Variants in JAK3 observed in about 807,000 individuals in gnomAD.
JAK3 encodes Janus kinase 3, also known as tyrosine-protein kinase JAK3.
In JAK3, 88 loss-of-function variants were observed where a neutral mutation model predicts 120.8. That is an observed-to-expected ratio of 0.73 (90% confidence interval 0.61 to 0.87). The LOEUF (loss-of-function observed/expected upper bound fraction) is 0.87, where lower values mean the gene tolerates loss of function less well. Ranked by LOEUF, JAK3 falls within the 40% of genes least tolerant of loss-of-function variation. The probability of loss-of-function intolerance (pLI) is 0.00; values close to 1 mark genes in which losing one functional copy is unlikely to be tolerated. For synonymous variants in JAK3, 592 were observed against 628.6 expected, an observed-to-expected ratio of 0.94 and a Z score of 0.87; for missense variants, 1,254 against 1,501.4, an observed-to-expected ratio of 0.84 and a Z score of 2.72.
At chr19:17,845,455 G>A (rs528130303) in intron 1 of JAK3, among the ~76,000 whole-genome samples, 15 of 152,120 alleles carry the variant, frequency 9.9e-5, no homozygotes, top group Admixed American at 2.0e-4. Flanking sequence ...GCGCCTGGCC[G>A]AGACCAGGAG....
chr19:17,843,851 C>T lies in JAK3; in HGVS notation c.234G>A (p.Leu78=), dbSNP rs2094245793. ...HSLFALATED[L]SCWFPPSHIF... ...TGTGGCTCGGGGGGAACCAGCAGGA[C>T]AGGTCCTCCGTGGCCAGAGCAAAGA... is the stretch of plus-strand genomic sequence containing the variant. Residue 78 remains leucine (L), a synonymous_variant, in exon 3 of 24, where the codon CTG becomes CTA. Coordinates refer to ENST00000458235, the MANE Select transcript of JAK3 (RefSeq NM_000215.4). This position sits in a 1 kb window ranked among gnomAD's most constrained non-coding sequence, Gnocchi z 5.4. 1.9e-6 allele frequency: 3 copies of T among 1,613,388 alleles called. No homozygotes were observed. Among genetic ancestry groups the T allele is most frequent in the South Asian group, 2.2e-5 (2 of 91,078 alleles).
rs2094256322 is a variant in JAK3 at position 17,847,978 on chromosome 19, C to A, written c.-46G>T. 9.6e-7 allele frequency: 1 copy of A among 1,039,816 alleles called. No homozygotes were observed. The highest frequency in any genetic ancestry group is 1.2e-6 in the Non-Finnish European group (1 of 861,776). The allele number at this position is 1,039,816 out of a possible 1,614,324, so 64.4% of individuals were successfully genotyped here. On this transcript the variant is annotated 5_prime_UTR_variant, in exon 1 of 24. Coordinates refer to ENST00000458235, the MANE Select transcript of JAK3 (RefSeq NM_000215.4). ...GCAGGGACCCTGGACTTTCGAAGGG[C>A]GGGCAGAGCCGGGAGGCAGCGAGAG...
Position 17,842,727 on chromosome 19 carries a change from A to G in JAK3, c.567-117T>C. On this transcript the variant is annotated intron_variant, in intron 5 of 23. Coordinates refer to ENST00000458235, the MANE Select transcript of JAK3 (RefSeq NM_000215.4). This position sits in a 1 kb window ranked among gnomAD's most constrained non-coding sequence, Gnocchi z 6.4. ...GGGGTGCGGCCCTAGTTGGGGCACC[A>G]GGCACACACAGACTCTCATTCAGGG... The G allele has an allele frequency of 9.3e-7, 1 of 1,075,082 alleles. No individual in the cohort carries two copies. The allele number at this position is 1,075,082 out of a possible 1,614,324, so 66.6% of individuals were successfully genotyped here.
In JAK3 at chr19:17,841,091, G is replaced by C. The variant is rs1437436001; in HGVS notation, c.1142+298C>G. 6.6e-6 allele frequency among the ~76,000 whole-genome samples: 1 copy of C among 152,112 alleles called. No individual in the cohort carries two copies. The highest frequency in any genetic ancestry group is 1.9e-4 in the East Asian group (1 of 5,192). On this transcript the variant is annotated intron_variant, in intron 8 of 23. Transcript: ENST00000458235. This position sits in a 1 kb window ranked among gnomAD's most constrained non-coding sequence, Gnocchi z 4.1. ...CTTGGCCCCTCAAAGCGCTGCGATT[G>C]CAGGTGTGCCCCACTATGCCTGGCC...
Position 17,835,138 on chromosome 19 carries a change from C to T in JAK3, c.1992G>A (p.Pro664=), listed in dbSNP as rs200499852. ...LLAREGADGS[P]PFIKLSDPGV... ...CAGGGTCACTCAGCTTGATGAAGGGCGGGCTCCCATCAGCCCCCTCCCGAG... is the reference window on the plus strand; with the variant it reads ...CAGGGTCACTCAGCTTGATGAAGGGTGGGCTCCCATCAGCCCCCTCCCGAG... Residue 664 remains proline (P), a synonymous_variant, in exon 15 of 24, where the codon CCG becomes CCA. Transcript: ENST00000458235. 5.4e-5 allele frequency: 87 copies of T among 1,614,070 alleles called. No homozygotes were observed. Among genetic ancestry groups the T allele is most frequent in the Non-Finnish European group, 6.8e-5 (80 of 1,180,040 alleles).
At chr19:17,830,466 G>GGA (rs2094211794) in intron 22 of JAK3, 37 bp downstream of exon 22, 1 of 1,530,646 alleles carries the variant, frequency 6.5e-7, no homozygotes, top group East Asian at 2.3e-5. Context: ...GGGCGTGGAG[G>GGA]GAGAAGAAGG....
chr19:17,845,030 A>T (rs2094249032), intron 1 of JAK3, among the ~76,000 whole-genome samples: 1 of 152,154 alleles, frequency 6.6e-6, no homozygotes, highest in African/African-American at 2.4e-5. Context: ...AATTGACCTG[A>T]ATGAAGAAGA....
At position 17,834,955 on chromosome 19, in the gene JAK3, G is replaced by A. The variant is rs201784993; in HGVS notation, c.2096C>T (p.Ala699Val). 15 of 1,614,158 alleles carry A rather than the reference G, an allele frequency of 9.3e-6. 1 individual carries two copies. The highest frequency in any genetic ancestry group is 6.6e-5 in the South Asian group (6 of 91,092). ...GTCAGCTTCCAAGCTAAGTGTCTGCGCCTCCCGGAGACACTCGGGGGCCAC... is the reference window on the plus strand; with the variant it reads ...GTCAGCTTCCAAGCTAAGTGTCTGCACCTCCCGGAGACACTCGGGGGCCAC... ...PWVAPECLREAQTLSLEADKW... is the reference protein window; with the variant it reads ...PWVAPECLREVQTLSLEADKW... The change falls in exon 16 of 24, where the codon GCG becomes GTG. Residue 699 changes from alanine (A) to valine (V), a missense_variant. By Grantham distance (64) the Ala-to-Val change is moderately conservative (BLOSUM62 0). Around this residue, in one of 3 missense-constraint regions of JAK3, gnomAD observed 630 missense variants for 819.8 expected, o/e 0.77. Coordinates refer to ENST00000458235, the MANE Select transcript of JAK3 (RefSeq NM_000215.4).
In JAK3 at chr19:17,837,996, C is replaced by T. The variant is rs750284260; in HGVS notation, c.1637G>A (p.Gly546Glu). Residue 546 changes from glycine (G) to glutamate (E), a missense_variant, in exon 12 of 24, where the codon GGG becomes GAG. Around this residue, in one of 3 missense-constraint regions of JAK3, gnomAD observed 630 missense variants for 819.8 expected, o/e 0.77. Coordinates refer to ENST00000458235, the MANE Select transcript of JAK3 (RefSeq NM_000215.4). ...YRGCRHEVVDGEARKTEVLLK... is the reference protein window; with the variant it reads ...YRGCRHEVVDEEARKTEVLLK... ...CAGCACCTCTGTCTTTCGGGCCTCC[C>T]CATCCACCACCTCATGGCGACAGCC... is the stretch of plus-strand genomic sequence containing the variant. 3.7e-6 allele frequency: 6 copies of T among 1,614,126 alleles called. No homozygotes were observed. In the Admixed American group the frequency reaches 5.0e-5, roughly 13 times the overall value.
intron 1 of JAK3, 26 bp from the exon 2 acceptor site, chr19:17,844,456 T>G: frequency 6.4e-7 from 1 of 1,573,672 alleles, no homozygotes; most frequent in African/African-American, 1.3e-5. Flanking sequence ...AAAAAGCCCC[T>G]CAGTCCTGGT....
chr19:17,844,261 G>A lies in JAK3; in HGVS notation c.157C>T (p.Leu53=), dbSNP rs1296361489. 2 of 1,602,902 alleles carry A rather than the reference G, an allele frequency of 1.2e-6. No individual in the cohort carries two copies. The highest frequency in any genetic ancestry group is 4.5e-5 in the East Asian group (2 of 44,488). Residue 53 remains leucine (L), a synonymous_variant, in exon 2 of 24, where the codon CTG becomes TTG. Transcript: ENST00000458235. ...CTGGCCTTGGCAGCCTGCACGCACA[G>A]GTCCTCAGCCAAGTGGTCCCCAAAG... ...FSFGDHLAED[L]CVQAAKASGI... is the part of the protein sequence containing the mutation.
chr19:17,840,366 G>A (rs1194567280), intron 8 of JAK3, 25 bp from the exon 9 acceptor site: 1 of 1,491,582 alleles, frequency 6.7e-7, no homozygotes, highest in Non-Finnish European at 9.3e-7. Flanking sequence ...GAGAGGGAAT[G>A]GGGAGGAGTC....
At position 17,843,179 on chromosome 19, in the gene JAK3, G is replaced by C. The variant is rs200101939; in HGVS notation, c.421-7C>G. 69 of 1,601,118 alleles carry C rather than the reference G, an allele frequency of 4.3e-5. No individual in the cohort carries two copies. The highest frequency in any genetic ancestry group is 5.6e-5 in the Non-Finnish European group (66 of 1,177,028). ...TCACCAGGTCACTGCGGTGCTGGGGGGCCGCCACAGGGAGCATCAGCTGAG... is the reference window on the plus strand; with the variant it reads ...TCACCAGGTCACTGCGGTGCTGGGGCGCCGCCACAGGGAGCATCAGCTGAG... On this transcript the variant is annotated splice_region_variant and splice_polypyrimidine_tract_variant and intron_variant, in intron 4 of 23. Transcript: ENST00000458235. The surrounding 1 kb of genome is among the most constrained non-coding windows in gnomAD (Gnocchi z 5.4).
At chr19:17,830,401 T>A (rs2094211643) in intron 22 of JAK3, 102 bp downstream of exon 22, 1 of 1,014,614 alleles carries the variant, frequency 9.9e-7, no homozygotes, top group Non-Finnish European at 1.5e-6. Flanking sequence ...TGGGACCAGG[T>A]GACCCCATGC....
chr19:17,829,600 T>A (rs534016395), intron 23 of JAK3, among the ~76,000 whole-genome samples: 1 of 151,970 alleles, frequency 6.6e-6, no homozygotes, highest in East Asian at 1.9e-4. Flanking sequence ...CTCTAAAAAA[T>A]TATTTTTAAA....
Position 17,825,134 on chromosome 19 carries a change from G to A in JAK3, c.*1609C>T, listed in dbSNP as rs560941492. The A allele has an allele frequency of 1.7e-5, 4 of 229,706 alleles. No homozygotes were observed. The highest frequency in any genetic ancestry group is 3.5e-5 in the Non-Finnish European group (4 of 115,872). The allele number at this position is 229,706 out of a possible 1,614,324, so 14.2% of individuals were successfully genotyped here. On this transcript the variant is annotated 3_prime_UTR_variant, in exon 24 of 24. Coordinates refer to ENST00000458235, the MANE Select transcript of JAK3 (RefSeq NM_000215.4). ...CAGAAAGTTGACCCTGCACAGCCAA[G>A]GGGTAAGCTCTGACCATTTTGCAGG... is the stretch of plus-strand genomic sequence containing the variant.
Position 17,842,026 on chromosome 19 carries a change from G to C in JAK3, c.862-264C>G, listed in dbSNP as rs957345983. 6.7e-6 allele frequency among the ~76,000 whole-genome samples: 1 copy of C among 150,282 alleles called. No homozygotes were observed. Among genetic ancestry groups the C allele is most frequent in the Non-Finnish European group, 1.5e-5 (1 of 67,770 alleles). ...CCCTGCCCCGCTTCGCAGCCTCCCA[G>C]CTCTCGGAGCCTCACTCTGCCTCTT... On this transcript the variant is annotated intron_variant, in intron 6 of 23. Transcript: ENST00000458235. This position sits in a 1 kb window ranked among gnomAD's most constrained non-coding sequence, Gnocchi z 6.4.
Position 17,831,146 on chromosome 19 carries a change from A to G in JAK3, c.2978+82T>C, listed in dbSNP as rs1196732518. On this transcript the variant is annotated intron_variant, in intron 21 of 23. Coordinates refer to ENST00000458235, the MANE Select transcript of JAK3 (RefSeq NM_000215.4). The surrounding 1 kb of genome is among the most constrained non-coding windows in gnomAD (Gnocchi z 5.1). ...CGGGGCTAAGGCTGGGGAGCAAAGC[A>G]GCGGGAGGGGGCGGGGGCATGGCTG... 2.3e-6 allele frequency: 3 copies of G among 1,317,022 alleles called. No homozygotes were observed. Among genetic ancestry groups the G allele is most frequent in the Non-Finnish European group, 3.0e-6 (3 of 1,003,214 alleles). The allele number at this position is 1,317,022 out of a possible 1,614,324, so 81.6% of individuals were successfully genotyped here.
intron 1 of JAK3, among the ~76,000 whole-genome samples, 183 bp downstream of exon 1, chr19:17,847,763 C>T (rs1387326469): frequency 2.0e-5 from 3 of 152,220 alleles, no homozygotes; most frequent in African/African-American, 7.2e-5. Context: ...AGCCGAAGCC[C>T]AGAGAAGCGA....
Sources: allele counts gnomAD v4.1 joint callset (sites outside exome capture counted in the v4.1 genomes callset), GRCh38; gene constraint gnomAD v4.1.1; regional missense constraint gnomAD v4.1.1; non-coding constraint Gnocchi (gnomAD v3.1); transcripts MANE v1.5; gene names NCBI Gene and HGNC (gene_info 2026-07-23, HGNC 2026-07-21).